LAMA3: variants seen among roughly 807,000 people sequenced by gnomAD.
LAMA3 encodes the protein laminin subunit alpha 3.
In LAMA3, 281 loss-of-function variants were observed where a neutral mutation model predicts 402.0. That is an observed-to-expected ratio of 0.70 (90% CI 0.63 to 0.77). The LOEUF (loss-of-function observed/expected upper bound fraction) is 0.77, where lower values mean the gene tolerates loss of function less well. Among genes scored for constraint, LAMA3 ranks in the 30% least tolerant of loss-of-function variants. LAMA3 has a pLI of 0.00. For synonymous variants in LAMA3, 1,431 were observed against 1,558.4 expected (o/e 0.92, Z 1.93); for missense variants, 3,840 against 4,215.5 (o/e 0.91, Z 2.47).
chr18:23,903,189 A>G (rs2081131584), intron 49 of LAMA3, 64 bp downstream of exon 49: 2 of 1,019,430 alleles, frequency 2.0e-6, no homozygotes, highest in Middle Eastern at 2.2e-4. Context: ...TGAGAAAACA[A>G]TGAAATGGGC....
At chr18:23,783,813 C>G (rs2062484886) in intron 11 of LAMA3, among the ~76,000 whole-genome samples, 1 of 151,774 alleles carries the variant, frequency 6.6e-6, no homozygotes, top group African/African-American at 2.4e-5. Flanking sequence ...GAATGCCCAT[C>G]CTTACGTGTT....
At chr18:23,714,579 T>A (rs2061061466) in intron 2 of LAMA3, among the ~76,000 whole-genome samples, 1 of 152,166 alleles carries the variant, frequency 6.6e-6, no homozygotes, top group Non-Finnish European at 1.5e-5. Context: ...TAGATGCCCA[T>A]CCCTGTCTAT....
chr18:23,876,318 G>A lies in LAMA3; in HGVS notation c.5023G>A (p.Asp1675Asn). The A allele has an allele frequency of 6.2e-7, 1 of 1,613,666 alleles. No homozygotes were observed. The change falls in exon 39 of 75, where the codon GAT becomes AAT. Residue 1675 changes from aspartate to asparagine, a missense_variant. Coordinates refer to ENST00000313654, the MANE Select transcript of LAMA3 (RefSeq NM_198129.4). ...CQGCSPGYYR[D>N]HKGLYTGRCV... ...GGGTTGTAGCCCTGGATACTATCGG[G>A]ATCATAAAGGCTTGTATACCGGACG...
intron 2 of LAMA3, among the ~76,000 whole-genome samples, chr18:23,741,145 G>T (rs1187861359): frequency 6.6e-6 from 1 of 151,750 alleles, no homozygotes; most frequent in East Asian, 1.9e-4. Flanking sequence ...TTTTTTAGTA[G>T]AGACGGGGTT....
intron 23 of LAMA3, among the ~76,000 whole-genome samples, chr18:23,832,419 C>T (rs560214117): frequency 1.1e-3 from 168 of 152,230 alleles, no homozygotes; most frequent in Non-Finnish European, 1.4e-3. Context: ...ATAGCAGTTA[C>T]GTGGTTCAGA....
chr18:23,692,049 G>A (rs1056349715), intron 1 of LAMA3, among the ~76,000 whole-genome samples: 5 of 152,342 alleles, frequency 3.3e-5, no homozygotes, highest in African/African-American at 1.2e-4. Flanking sequence ...GATGGTGACA[G>A]CACAGCATTG....
intron 35 of LAMA3, 66 bp from the exon 36 acceptor site, chr18:23,864,719 T>C: frequency 2.9e-6 from 3 of 1,037,110 alleles, no homozygotes; most frequent in Non-Finnish European, 4.5e-6. Context: ...GTGCTTTTCA[T>C]GCGGGTTGAT....
intron 32 of LAMA3, among the ~76,000 whole-genome samples, chr18:23,853,464 G>T (rs2063992279): frequency 6.6e-6 from 1 of 152,006 alleles, no homozygotes; most frequent in Non-Finnish European, 1.5e-5. Flanking sequence ...GTAGAGATGG[G>T]GTTTCTCCAT....
At chr18:23,901,004 C>A in intron 47 of LAMA3, 123 bp from the exon 48 acceptor site, 3 of 845,128 alleles carry the variant, frequency 3.5e-6, no homozygotes, top group East Asian at 2.6e-5. Flanking sequence ...CCTTTCCCAT[C>A]CCCTCCAAAG....
intron 12 of LAMA3, among the ~76,000 whole-genome samples, chr18:23,806,176 T>C (rs2062958866): frequency 6.6e-6 from 1 of 152,230 alleles, no homozygotes; most frequent in Non-Finnish European, 1.5e-5. Flanking sequence ...TGGTGGTTTA[T>C]TGCCACCACT....
chr18:23,772,065 G>A (rs11082751), intron 8 of LAMA3, among the ~76,000 whole-genome samples: 26,381 of 145,852 alleles, frequency 0.18, 3,563 homozygotes, highest in East Asian at 0.57. Context: ...TTTTTGAGAC[G>A]GAGTCTTGCT....
intron 37 of LAMA3, among the ~76,000 whole-genome samples, chr18:23,870,432 T>C (rs1210258444): frequency 6.6e-6 from 1 of 152,106 alleles, no homozygotes; most frequent in South Asian, 2.1e-4. Context: ...TGTGGAAATA[T>C]CTCAGAAAAT....
chr18:23,763,655 T>G (rs2062020146), intron 8 of LAMA3, 132 bp downstream of exon 8: 2 of 754,812 alleles, frequency 2.6e-6, no homozygotes, highest in African/African-American at 1.7e-5. Context: ...TCTCCACTGT[T>G]GCTCACACAA....
chr18:23,936,705 A>G lies in LAMA3; in HGVS notation c.8863-2518A>G, dbSNP rs149434649. Among the ~76,000 whole-genome samples, 51 of 152,294 alleles carry G rather than the reference A, an allele frequency of 3.3e-4. No individual in the cohort carries two copies. In the East Asian group the frequency reaches 8.9e-3, roughly 27 times the overall value. On this transcript the variant is annotated intron_variant, in intron 67 of 74. Coordinates refer to ENST00000313654, the MANE Select transcript of LAMA3 (RefSeq NM_198129.4). Reference sequence around the variant, plus strand: ...GCTTCTTGTGTTGGACAGTGTAGTGAGGATGTGATTCCCAGAAGCACAAGA... The same window carrying G: ...GCTTCTTGTGTTGGACAGTGTAGTGGGGATGTGATTCCCAGAAGCACAAGA...
At position 23,914,450 on chromosome 18, in the gene LAMA3, A is replaced by G. The variant is rs2081540436; in HGVS notation, c.7370A>G (p.Gln2457Arg). ...DYIGMAVVDG[Q>R]LTCVYNLGDR... ...ATCGGCATGGCAGTTGTGGATGGCCAGCTCACCTGTGTCTACAACCTGGGG... is the reference window on the plus strand; with the variant it reads ...ATCGGCATGGCAGTTGTGGATGGCCGGCTCACCTGTGTCTACAACCTGGGG... The change falls in exon 57 of 75, where the codon CAG becomes CGG. Residue 2457 changes from glutamine to arginine, a missense_variant. By Grantham distance (43) the Gln-to-Arg change is conservative. Around this residue, in one of 3 missense-constraint regions of LAMA3, gnomAD observed 891 missense variants for 857.5 expected, o/e 1.04. Transcript: ENST00000313654. 3 of 1,614,158 alleles carry G rather than the reference A, an allele frequency of 1.9e-6. No homozygotes were observed. Among genetic ancestry groups the G allele is most frequent in the Non-Finnish European group, 1.7e-6 (2 of 1,180,016 alleles).
chr18:23,917,375 G>A (rs913766535), intron 60 of LAMA3, among the ~76,000 whole-genome samples: 34 of 152,164 alleles, frequency 2.2e-4, no homozygotes, highest in African/African-American at 8.2e-4. Context: ...TATTCCTTTG[G>A]GTGTATACCC....
chr18:23,747,388 G>A (rs553216750), intron 2 of LAMA3, among the ~76,000 whole-genome samples: 4 of 152,268 alleles, frequency 2.6e-5, no homozygotes, highest in Admixed American at 1.3e-4. Context: ...TGATGAGGGC[G>A]AATGAGAAAG....
chr18:23,711,860 A>G (rs2060996226), intron 1 of LAMA3, among the ~76,000 whole-genome samples: 1 of 152,242 alleles, frequency 6.6e-6, no homozygotes, highest in South Asian at 2.1e-4. Flanking sequence ...CACCTTCTGC[A>G]TTCCTCACAT....
intron 12 of LAMA3, among the ~76,000 whole-genome samples, chr18:23,794,609 T>C (rs574831124): frequency 7.9e-5 from 12 of 152,320 alleles, no homozygotes; most frequent in African/African-American, 2.9e-4. Flanking sequence ...ACTTACTTTC[T>C]GTTCTCTTAC....
Sources: allele counts gnomAD v4.1 joint callset (sites outside exome capture counted in the v4.1 genomes callset), GRCh38; gene constraint gnomAD v4.1.1; regional missense constraint gnomAD v4.1.1; transcripts MANE v1.5; gene names NCBI Gene and HGNC (gene_info 2026-07-23, HGNC 2026-07-21).